SNAPC1: variants seen among roughly 807,000 people sequenced by gnomAD.
SNAPC1 encodes small nuclear RNA activating complex polypeptide 1.
A neutral mutation model predicts 50.1 loss-of-function variants in SNAPC1; 42 were observed. The observed-to-expected ratio is 0.84, with a 90% CI of 0.65 to 1.08. SNAPC1 has a LOEUF of 1.08. Ranked by LOEUF, SNAPC1 falls within the 50% of genes least tolerant of loss-of-function variation. SNAPC1 has a pLI of 0.00. For synonymous variants in SNAPC1, 164 were observed against 144.2 expected (o/e 1.14, Z -0.98); for missense variants, 477 against 427.3 (o/e 1.12, Z -1.02).
At chr14:61,782,223 G>C (rs770294272) in intron 7 of SNAPC1, 24 bp from the exon 8 acceptor site, 57 of 1,506,082 alleles carry the variant, frequency 3.8e-5, no homozygotes, top group South Asian at 1.3e-5. Flanking sequence ...TAATTTATTG[G>C]TTAATTGGAT....
intron 4 of SNAPC1, among the ~76,000 whole-genome samples, chr14:61,775,671 AT>A (rs1490875497): frequency 6.6e-6 from 1 of 152,224 alleles, no homozygotes; most frequent in Admixed American, 6.5e-5. Flanking sequence ...TTACATAGGA[AT>A]TTCCAGCAGA....
chr14:61,770,357 C>T lies in SNAPC1; in HGVS notation c.534+1617C>T, dbSNP rs113665163. Reference sequence around the variant, plus strand: ...TCCTAGTTTCAAGTGATTCTTGTGTCTCAACCCACTGAGTAGCTGGGATTA... The same window carrying T: ...TCCTAGTTTCAAGTGATTCTTGTGTTTCAACCCACTGAGTAGCTGGGATTA... On this transcript the variant is annotated intron_variant, in intron 4 of 9. Coordinates refer to ENST00000216294, the MANE Select transcript of SNAPC1 (RefSeq NM_003082.4). 8.8e-3 allele frequency among the ~76,000 whole-genome samples: 1,335 copies of T among 151,584 alleles called. 6 individuals carry two copies. Among genetic ancestry groups the T allele is most frequent in the Middle Eastern group, 0.031 (9 of 294 alleles).
intron 8 of SNAPC1, among the ~76,000 whole-genome samples, chr14:61,790,531 T>C (rs974690390): frequency 2.0e-5 from 3 of 152,184 alleles, no homozygotes; most frequent in African/African-American, 7.2e-5. Context: ...AGACGGAGTC[T>C]TAACCATGTT....
intron 5 of SNAPC1, among the ~76,000 whole-genome samples, chr14:61,776,526 T>C (rs1157917515): frequency 6.6e-6 from 1 of 152,224 alleles, no homozygotes; most frequent in Admixed American, 6.5e-5. Context: ...CTTTATAATT[T>C]GGCATTTTTT....
intron 4 of SNAPC1, among the ~76,000 whole-genome samples, chr14:61,769,186 C>T (rs1594643515): frequency 6.6e-6 from 1 of 151,780 alleles, no homozygotes. Context: ...GGTGAAATCC[C>T]GTCTCTACTA....
intron 4 of SNAPC1, 89 bp downstream of exon 4, chr14:61,768,829 T>C (rs995049724): frequency 1.5e-6 from 1 of 651,212 alleles, no homozygotes; most frequent in Non-Finnish European, 2.7e-6. Context: ...TACTGGATAC[T>C]GATTTTTCTA....
rs1016136916 is a variant in SNAPC1, at chr14:61,778,274, T to G, written c.762+134T>G. The G allele has an allele frequency of 5.5e-6, 3 of 544,234 alleles. No individual in the cohort carries two copies. The South Asian group carries it at 9.5e-5, about 17-fold the overall frequency. The allele number at this position is 544,234 out of a possible 1,614,324, so 33.7% of individuals were successfully genotyped here. A position where few individuals can be genotyped will look rare whatever the true frequency, so the allele number is the denominator to read the frequency against. Reference sequence around the variant, plus strand: ...CTTCTGTGAAAAGGTAGTTTGTTCTTTACTGGAAGCCTTGTGGAGGCCACA... The same window carrying G: ...CTTCTGTGAAAAGGTAGTTTGTTCTGTACTGGAAGCCTTGTGGAGGCCACA... On this transcript the variant is annotated intron_variant, in intron 6 of 9. Coordinates refer to ENST00000216294, the MANE Select transcript of SNAPC1 (RefSeq NM_003082.4).
rs115773799 is a variant in SNAPC1 at position 61,766,371 on chromosome 14, A to G, written c.129-505A>G. Among the ~76,000 whole-genome samples, 1,016 of 152,372 alleles carry G rather than the reference A, an allele frequency of 6.7e-3. 15 individuals carry two copies. The highest frequency in any genetic ancestry group is 0.024 in the African/African-American group (982 of 41,582). ...GCCAATAGAAACCGGACACAGCAGTAAAGTAGATGTGTCAAGTTATAAATG... is the reference window on the plus strand; with the variant it reads ...GCCAATAGAAACCGGACACAGCAGTGAAGTAGATGTGTCAAGTTATAAATG... On this transcript the variant is annotated intron_variant, in intron 1 of 9. Coordinates refer to ENST00000216294, the MANE Select transcript of SNAPC1 (RefSeq NM_003082.4).
chr14:61,783,017 A>ATTTTTT lies in SNAPC1; in HGVS notation c.976+637_976+642dup, dbSNP rs767793462. 3.3e-4 allele frequency among the ~76,000 whole-genome samples: 38 copies of ATTTTTT among 115,260 alleles called. 1 individual carries two copies. Among genetic ancestry groups the ATTTTTT allele is most frequent in the African/African-American group, 5.1e-4 (15 of 29,468 alleles). 75.6% of individuals were successfully genotyped at this position (115,260 alleles called of 152,430 possible). A position where few individuals can be genotyped will look rare whatever the true frequency, so the allele number is the denominator to read the frequency against. On this transcript the variant is annotated intron_variant, in intron 8 of 9. Coordinates refer to ENST00000216294, the MANE Select transcript of SNAPC1 (RefSeq NM_003082.4). ...AAATCAGTCTAGAATTTTCCAGTGC[A>ATTTTTT]TTTTTTTTTTTTTTTTTTTTTTGAG...
chr14:61,772,984 C>T (rs1381926653), intron 4 of SNAPC1, among the ~76,000 whole-genome samples: 1 of 152,160 alleles, frequency 6.6e-6, no homozygotes, highest in Non-Finnish European at 1.5e-5. Context: ...TCTGCTGGCT[C>T]TATATCTTTT....
At chr14:61,794,407 G>T (rs8014972) in intron 9 of SNAPC1, among the ~76,000 whole-genome samples, 4,062 of 151,612 alleles carry the variant, frequency 0.027, 124 homozygotes, top group African/African-American at 0.064. Flanking sequence ...TGTTTTTTTT[G>T]TTTGTTTGTT....
chr14:61,775,019 G>A (rs573535265), intron 4 of SNAPC1, among the ~76,000 whole-genome samples: 1 of 152,192 alleles, frequency 6.6e-6, no homozygotes, highest in South Asian at 2.1e-4. Context: ...AATGAATTGA[G>A]TGGTCTGAGT....
At chr14:61,762,794 C>T (rs1215413804) in intron 1 of SNAPC1, among the ~76,000 whole-genome samples, 3 of 151,914 alleles carry the variant, frequency 2.0e-5, no homozygotes, top group African/African-American at 7.3e-5. Context: ...TTGTTGCGGC[C>T]TCCTCCCAAA....
intron 5 of SNAPC1, among the ~76,000 whole-genome samples, chr14:61,777,311 C>CT (rs2045041814): frequency 6.6e-6 from 1 of 152,158 alleles, no homozygotes; most frequent in Admixed American, 6.5e-5. Context: ...TGTTTGGATA[C>CT]TTTAAGTCCT....
chr14:61,792,978 A>G, intron 9 of SNAPC1, 76 bp downstream of exon 9: 1 of 702,276 alleles, frequency 1.4e-6, no homozygotes, highest in South Asian at 1.9e-5. Context: ...AGAACCCTTG[A>G]GGAACATGAC....
intron 8 of SNAPC1, 89 bp downstream of exon 8, chr14:61,782,486 G>GA: frequency 1.1e-6 from 1 of 907,558 alleles, no homozygotes; most frequent in Non-Finnish European, 1.6e-6. Flanking sequence ...TGTTAAGAAG[G>GA]ATTAGATACT....
intron 8 of SNAPC1, among the ~76,000 whole-genome samples, chr14:61,790,742 A>T (rs2045146343): frequency 6.6e-6 from 1 of 152,196 alleles, no homozygotes; most frequent in Non-Finnish European, 1.5e-5. Flanking sequence ...TCCAAGCCTG[A>T]TTCTTTAACT....
At chr14:61,781,691 G>A (rs938464089) in intron 7 of SNAPC1, among the ~76,000 whole-genome samples, 1 of 152,172 alleles carries the variant, frequency 6.6e-6, no homozygotes, top group Non-Finnish European at 1.5e-5. Context: ...AGCCTTGCAT[G>A]TTCCCAGCTT....
chr14:61,782,971 A>G (rs972495448), intron 8 of SNAPC1, among the ~76,000 whole-genome samples: 10 of 152,034 alleles, frequency 6.6e-5, no homozygotes, highest in South Asian at 2.1e-4. Context: ...TGATATATCA[A>G]TTAATAGCTA....
Sources: gnomAD v4.1 joint callset for allele counts (sites outside exome capture counted in the v4.1 genomes callset) on GRCh38, gnomAD v4.1.1 for gene constraint, MANE v1.5 for transcripts, NCBI Gene and HGNC (gene_info 2026-07-23, HGNC 2026-07-21) for gene names.